Variants in MTUS1 observed in about 807,000 individuals in gnomAD.
MTUS1 encodes microtubule associated scaffold protein 1.
In MTUS1, 109 loss-of-function variants were observed where a neutral mutation model predicts 120.8. The ratio of observed to expected loss-of-function variants is 0.90; its 90% CI spans 0.77 to 1.06. The LOEUF (loss-of-function observed/expected upper bound fraction) is 1.06, where lower values mean the gene tolerates loss of function less well. Among genes scored for constraint, MTUS1 ranks in the 50% least tolerant of loss-of-function variants. The pLI is 0.00. For missense variants in MTUS1, 2,210 were observed against 1,486.3 expected (o/e 1.49, Z -8.01); for synonymous variants, 737 against 550.5 (o/e 1.34, Z -4.74).
chr8:17,794,340 TAAAAG>T (rs1563405826), intron 1 of MTUS1, among the ~76,000 whole-genome samples: 1 of 151,538 alleles, frequency 6.6e-6, no homozygotes, highest in African/African-American at 2.4e-5. Context: ...AAAAAAAAGA[TAAAAG>T]AAAAAAAAAT....
rs201153878 is a variant in MTUS1 at position 17,697,265 on chromosome 8, A to G, written c.2624-12723T>C. The G allele has an allele frequency of 1.3e-4, 209 of 1,613,692 alleles. 2 individuals carry two copies. The highest frequency in any genetic ancestry group is 2.2e-5 in the Non-Finnish European group (26 of 1,179,786). On this transcript the variant is annotated intron_variant, in intron 6 of 14. Coordinates refer to ENST00000693296, the MANE Select transcript of MTUS1 (RefSeq NM_001363059.2). ...ATCTATGCGAGACAGACCTGTGTGGAAAACAACAGTGCTTCTCCTAAACCC... is the reference window on the plus strand; with the variant it reads ...ATCTATGCGAGACAGACCTGTGTGGGAAACAACAGTGCTTCTCCTAAACCC...
intron 9 of MTUS1, 168 bp from the exon 10 acceptor site, chr8:17,654,834 A>C (rs1055293103): frequency 9.7e-5 from 58 of 596,426 alleles, no homozygotes; most frequent in African/African-American, 9.5e-4. Context: ...CACACTTGTA[A>C]CCTCAGCACT....
In MTUS1 at chr8:17,645,102, C is replaced by T. The variant is rs1019916107; in HGVS notation, c.*824G>A. The T allele has an allele frequency of 1.3e-5, 2 of 152,416 alleles. No individual in the cohort carries two copies. Among genetic ancestry groups the T allele is most frequent in the Non-Finnish European group, 2.9e-5 (2 of 67,998 alleles). The allele number at this position is 152,416 out of a possible 1,614,324, so 9.4% of individuals were successfully genotyped here. ...TTTTTATAGAAAAATTAGGGTTCTA[C>T]ATTTACACATAGCCTGAGAAAATGA... On this transcript the variant is annotated 3_prime_UTR_variant, in exon 15 of 15. Coordinates refer to ENST00000693296, the MANE Select transcript of MTUS1 (RefSeq NM_001363059.2).
At chr8:17,759,780 C>A (rs1225865765) in intron 1 of MTUS1, among the ~76,000 whole-genome samples, 1 of 151,352 alleles carries the variant, frequency 6.6e-6, no homozygotes, top group Non-Finnish European at 1.5e-5. Context: ...TTGTGAAACG[C>A]CACTAAAGTT....
intron 1 of MTUS1, among the ~76,000 whole-genome samples, chr8:17,757,977 TTTG>T (rs916622798): frequency 5.9e-5 from 9 of 152,074 alleles, no homozygotes; most frequent in Admixed American, 5.9e-4. Flanking sequence ...AAAGTGTAAA[TTTG>T]TTAACTCTTT....
chr8:17,797,494 C>T (rs1192714809), intron 1 of MTUS1, among the ~76,000 whole-genome samples: 1 of 152,118 alleles, frequency 6.6e-6, no homozygotes, highest in East Asian at 1.9e-4. Context: ...ACTGGACCAT[C>T]CAAAACCAGG....
At chr8:17,783,671 G>A (rs2051071749) in intron 1 of MTUS1, among the ~76,000 whole-genome samples, 1 of 152,154 alleles carries the variant, frequency 6.6e-6, no homozygotes, top group Non-Finnish European at 1.5e-5. Flanking sequence ...CGGTCCTTGA[G>A]TCTGACTTCC....
intron 4 of MTUS1, among the ~76,000 whole-genome samples, chr8:17,717,101 T>C (rs1317084144): frequency 3.9e-5 from 6 of 152,230 alleles, no homozygotes; most frequent in African/African-American, 1.4e-4. Context: ...TCAAACTTTG[T>C]ACAGGCGTGC....
intron 3 of MTUS1, among the ~76,000 whole-genome samples, chr8:17,728,247 G>A (rs939812072): frequency 1.3e-5 from 2 of 152,114 alleles, no homozygotes; most frequent in African/African-American, 4.8e-5. Context: ...AGGAAGCTGG[G>A]ATTACACCCA....
chr8:17,771,441 G>A (rs1429276864), intron 1 of MTUS1, among the ~76,000 whole-genome samples: 2 of 152,132 alleles, frequency 1.3e-5, no homozygotes, highest in African/African-American at 2.4e-5. Context: ...TCAAATCAAC[G>A]TTTCTTTCAC....
intron 7 of MTUS1, among the ~76,000 whole-genome samples, chr8:17,680,938 T>C (rs988549182): frequency 2.0e-5 from 3 of 150,478 alleles, no homozygotes; most frequent in Admixed American, 1.3e-4. Flanking sequence ...ATTTGCTTTT[T>C]TTCTTTTTTT....
At chr8:17,681,004 G>C (rs896555725) in intron 7 of MTUS1, among the ~76,000 whole-genome samples, 1 of 151,918 alleles carries the variant, frequency 6.6e-6, no homozygotes, top group Non-Finnish European at 1.5e-5. Flanking sequence ...TGCGATCTTG[G>C]CTCACTGCCA....
chr8:17,756,994 G>C (rs1454460496), intron 1 of MTUS1, among the ~76,000 whole-genome samples: 1 of 152,136 alleles, frequency 6.6e-6, no homozygotes, highest in Non-Finnish European at 1.5e-5. Flanking sequence ...TATGGTGGCC[G>C]AAGAAGACTT....
At chr8:17,676,408 C>G in intron 7 of MTUS1, 1 of 700,282 alleles carries the variant, frequency 1.4e-6, no homozygotes, top group Non-Finnish European at 2.6e-6. Flanking sequence ...ACCCACCAGT[C>G]GGGTCTGTCT....
At chr8:17,684,595 T>A in intron 6 of MTUS1, 53 bp from the exon 7 acceptor site, 1 of 1,423,048 alleles carries the variant, frequency 7.0e-7, no homozygotes, top group Admixed American at 1.7e-5. Context: ...ATTTTTAAAA[T>A]CACCACCACA....
At chr8:17,670,345 A>C (rs1376407637) in intron 8 of MTUS1, among the ~76,000 whole-genome samples, 1 of 152,204 alleles carries the variant, frequency 6.6e-6, no homozygotes, top group African/African-American at 2.4e-5. Flanking sequence ...AGCGGAAACC[A>C]TGGGAATGGA....
At chr8:17,721,162 C>T (rs1328328400) in intron 4 of MTUS1, among the ~76,000 whole-genome samples, 1 of 152,136 alleles carries the variant, frequency 6.6e-6, no homozygotes. Flanking sequence ...GATTCAAATA[C>T]TTAAGCCAGT....
At position 17,684,375 on chromosome 8, in the gene MTUS1, T is replaced by C. The variant is rs748217426; in HGVS notation, c.2791A>G (p.Thr931Ala). 1.2e-6 allele frequency: 2 copies of C among 1,614,176 alleles called. No individual in the cohort carries two copies. Among genetic ancestry groups the C allele is most frequent in the Non-Finnish European group, 1.7e-6 (2 of 1,180,026 alleles). Residue 931 changes from threonine to alanine, a missense_variant, in exon 7 of 15, where the codon ACC (threonine) becomes GCC (alanine). By Grantham distance (58) the Thr-to-Ala change is moderately conservative. Coordinates refer to ENST00000693296, the MANE Select transcript of MTUS1 (RefSeq NM_001363059.2). ...ACAACTGTCAATGCCTCAAACTTGGTATTACCACAGGCAAGAAGCTGCTTG... is the reference window on the plus strand; with the variant it reads ...ACAACTGTCAATGCCTCAAACTTGGCATTACCACAGGCAAGAAGCTGCTTG... ...QLKQLLACGN[T>A]KFEALTVVIQ...
chr8:17,712,779 G>T, intron 6 of MTUS1, among the ~76,000 whole-genome samples: 1 of 128,774 alleles, frequency 7.8e-6, no homozygotes, highest in East Asian at 2.2e-4. Context: ...AATAGTGGAG[G>T]CTGCAGGCTA....
Sources: allele counts gnomAD v4.1 joint callset (sites outside exome capture counted in the v4.1 genomes callset), GRCh38; gene constraint gnomAD v4.1.1; transcripts MANE v1.5; gene names NCBI Gene and HGNC (gene_info 2026-07-23, HGNC 2026-07-21).